The following CCNE1 variants were observed in gnomAD, a reference collection of about 807,000 sequenced individuals.
The protein encoded by CCNE1 is G1/S-specific cyclin-E1.
In CCNE1, 8 loss-of-function variants were observed where a neutral mutation model predicts 54.1. That is an observed-to-expected ratio of 0.15 (90% confidence interval 0.09 to 0.27). The LOEUF is 0.27. Among genes scored for constraint, CCNE1 ranks in the 10% least tolerant of loss-of-function variants. CCNE1 has a pLI of 1.00. For missense variants in CCNE1, 430 were observed against 514.9 expected (o/e 0.84, Z 1.60); for synonymous variants, 179 against 185.2 (o/e 0.97, Z 0.27).
chr19:29,812,812 C>CA (rs573952445), intron 3 of CCNE1, 36 bp downstream of exon 3: 6 of 1,583,168 alleles, frequency 3.8e-6, no homozygotes. Context: ...GAGCATCCCC[C>CA]CCATCTCACC....
intron 4 of CCNE1, among the ~76,000 whole-genome samples, chr19:29,814,223 G>A (rs1021129152): frequency 2.6e-5 from 4 of 151,988 alleles, no homozygotes; most frequent in Non-Finnish European, 4.4e-5. Flanking sequence ...AATCAAGCAA[G>A]TTGATTTTTT....
chr19:29,814,296 T>C (rs1973960345), intron 4 of CCNE1, among the ~76,000 whole-genome samples: 1 of 152,184 alleles, frequency 6.6e-6, no homozygotes, highest in African/African-American at 2.4e-5. Flanking sequence ...CCAGCTGTGT[T>C]TTGAATAGAA....
chr19:29,823,779 C>T lies in CCNE1; in HGVS notation c.*2C>T. 3 of 1,609,176 alleles carry T rather than the reference C, an allele frequency of 1.9e-6. No homozygotes were observed. The highest frequency in any genetic ancestry group is 2.5e-6 in the Non-Finnish European group (3 of 1,177,478). On this transcript the variant is annotated 3_prime_UTR_variant, in exon 12 of 12. Coordinates refer to ENST00000262643, the MANE Select transcript of CCNE1 (RefSeq NM_001238.4). The stretch of plus-strand genomic sequence containing the variant: ...AGCAGCGGGCCGGAAATGGCGTGAC[C>T]ACCCCATCCTTCTCCACCAAAGACA...
At chr19:29,815,896 T>C (rs1435644621) in intron 4 of CCNE1, among the ~76,000 whole-genome samples, 1 of 151,042 alleles carries the variant, frequency 6.6e-6, no homozygotes, top group Non-Finnish European at 1.5e-5. Context: ...GGCTCAGGCT[T>C]GTAATCCCAG....
intron 7 of CCNE1, 44 bp from the exon 8 acceptor site, chr19:29,821,678 A>C: frequency 3.9e-5 from 43 of 1,106,674 alleles, no homozygotes; most frequent in Non-Finnish European, 5.4e-5. Context: ...TGAGACTGTT[A>C]GAGATTGGCT....
chr19:29,821,374 G>T (rs1333692695), intron 7 of CCNE1, among the ~76,000 whole-genome samples: 1 of 152,056 alleles, frequency 6.6e-6, no homozygotes, highest in Non-Finnish European at 1.5e-5. Flanking sequence ...GCAACAGAGG[G>T]AAATTCTGTC....
chr19:29,822,214 T>C (rs1450840208), intron 9 of CCNE1, 26 bp from the exon 10 acceptor site: 1 of 1,611,270 alleles, frequency 6.2e-7, no homozygotes, highest in Admixed American at 1.7e-5. Context: ...GTGGCATCCA[T>C]CTCAGCGTTC....
chr19:29,818,243 G>C (rs906000636), intron 6 of CCNE1, among the ~76,000 whole-genome samples: 1 of 152,110 alleles, frequency 6.6e-6, no homozygotes, highest in East Asian at 1.9e-4. Flanking sequence ...AGCCAGGATG[G>C]TCTCGATCTC....
chr19:29,817,033 T>C (rs1259848131), intron 4 of CCNE1, 104 bp from the exon 5 acceptor site: 1 of 1,175,662 alleles, frequency 8.5e-7, no homozygotes, highest in Non-Finnish European at 1.2e-6. Context: ...TCAGAAGTCA[T>C]GCCTAGTATC....
intron 4 of CCNE1, among the ~76,000 whole-genome samples, chr19:29,814,823 C>A (rs893813739): frequency 1.3e-5 from 2 of 152,046 alleles, no homozygotes; most frequent in Non-Finnish European, 2.9e-5. Flanking sequence ...GAAAAGAATA[C>A]CCTTTTATCT....
intron 10 of CCNE1, 21 bp downstream of exon 10, chr19:29,822,372 A>G: frequency 2.5e-6 from 4 of 1,613,754 alleles, no homozygotes; most frequent in Middle Eastern, 1.6e-4. Context: ...TTTCCAGTGC[A>G]TGCACAAACA....
intron 4 of CCNE1, among the ~76,000 whole-genome samples, chr19:29,813,858 T>C (rs1436811389): frequency 6.6e-6 from 1 of 152,216 alleles, no homozygotes; most frequent in Admixed American, 6.5e-5. Flanking sequence ...GCAGCCTATC[T>C]CTAAACTAGC....
chr19:29,817,099 A>G, intron 4 of CCNE1, 38 bp from the exon 5 acceptor site: 1 of 1,602,982 alleles, frequency 6.2e-7, no homozygotes, highest in South Asian at 1.1e-5. Flanking sequence ...AGCTGTTTGC[A>G]TCTTATCTCA....
intron 4 of CCNE1, among the ~76,000 whole-genome samples, chr19:29,815,865 A>T (rs143484623): frequency 2.4e-4 from 37 of 151,952 alleles, no homozygotes; most frequent in Admixed American, 7.9e-4. Context: ...TTTAAAAAAA[A>T]AAAAAAATGC....
rs145625973 is a variant in CCNE1 at position 29,814,849 on chromosome 19, C to T, written c.180+1812C>T. 4.5e-4 allele frequency among the ~76,000 whole-genome samples: 69 copies of T among 152,290 alleles called. No individual in the cohort carries two copies. The East Asian group carries it at 0.011, about 25-fold the overall frequency. The stretch of plus-strand genomic sequence containing the variant: ...CCTTTTATCTAAGATCTACTTAACA[C>T]GTCCATTTTGTTGTTTAATTTTTTT... On this transcript the variant is annotated intron_variant, in intron 4 of 11. Transcript: ENST00000262643.
chr19:29,813,775 G>A (rs1973947843), intron 4 of CCNE1, among the ~76,000 whole-genome samples: 3 of 152,060 alleles, frequency 2.0e-5, no homozygotes, highest in Non-Finnish European at 4.4e-5. Flanking sequence ...GAAGTTTCTT[G>A]CAGAAAAAGC....
intron 4 of CCNE1, among the ~76,000 whole-genome samples, chr19:29,816,376 G>A (rs1268006780): frequency 1.3e-5 from 2 of 152,220 alleles, no homozygotes; most frequent in Non-Finnish European, 2.9e-5. Context: ...ACCTTTAAAA[G>A]AAAAGCATAG....
At chr19:29,813,725 C>G (rs1973946753) in intron 4 of CCNE1, among the ~76,000 whole-genome samples, 1 of 152,068 alleles carries the variant, frequency 6.6e-6, no homozygotes, top group Non-Finnish European at 1.5e-5. Context: ...GAGTTCCTGC[C>G]AAATTTCCTG....
intron 1 of CCNE1, 46 bp downstream of exon 1, chr19:29,812,198 G>C (rs1318840256): frequency 6.6e-6 from 1 of 152,294 alleles, no homozygotes; most frequent in Non-Finnish European, 1.5e-5. Context: ...CTGGGGCCCA[G>C]ACCGCGCCGG....
Sources: allele counts gnomAD v4.1 joint callset (sites outside exome capture counted in the v4.1 genomes callset), GRCh38; gene constraint gnomAD v4.1.1; transcripts MANE v1.5; gene names NCBI Gene and HGNC (gene_info 2026-07-23, HGNC 2026-07-21).